The following PXDNL variants were observed in gnomAD, a reference collection of about 807,000 sequenced individuals.
PXDNL encodes peroxidasin like.
A neutral mutation model predicts 150.8 loss-of-function variants in PXDNL; 145 were observed. That is an observed-to-expected ratio of 0.96 (90% CI 0.84 to 1.10). The LOEUF is 1.10. Ranked by LOEUF, PXDNL falls within the 50% of genes least tolerant of loss-of-function variation. PXDNL has a pLI of 0.00. For synonymous variants in PXDNL, 757 were observed against 725.7 expected (o/e 1.04, Z -0.69); for missense variants, 2,087 against 1,873.9 (o/e 1.11, Z -2.10).
chr8:51,432,422 C>T (rs1014693623), intron 12 of PXDNL, among the ~76,000 whole-genome samples: 4 of 152,162 alleles, frequency 2.6e-5, no homozygotes, highest in African/African-American at 9.7e-5. Flanking sequence ...CAGAATCATC[C>T]TTTCAGTTTC....
intron 1 of PXDNL, among the ~76,000 whole-genome samples, chr8:51,692,309 A>G (rs1417260243): frequency 1.3e-5 from 2 of 152,228 alleles, no homozygotes; most frequent in Non-Finnish European, 1.5e-5. Flanking sequence ...GTCCAGAGAA[A>G]GACAACTATT....
At chr8:51,666,033 T>C (rs1815378320) in intron 1 of PXDNL, among the ~76,000 whole-genome samples, 1 of 152,214 alleles carries the variant, frequency 6.6e-6, no homozygotes, top group African/African-American at 2.4e-5. Context: ...TGATAACAAC[T>C]GAAAAAATAT....
intron 12 of PXDNL, among the ~76,000 whole-genome samples, chr8:51,446,100 A>G (rs1223364861): frequency 1.3e-5 from 2 of 152,232 alleles, no homozygotes; most frequent in Non-Finnish European, 2.9e-5. Context: ...AACAGACCAT[A>G]TGTAGACAGT....
intron 1 of PXDNL, among the ~76,000 whole-genome samples, chr8:51,799,613 A>C (rs1421762706): frequency 6.6e-6 from 1 of 152,200 alleles, no homozygotes; most frequent in African/African-American, 2.4e-5. Context: ...TTAAAAATAA[A>C]TTCTCAACAC....
chr8:51,802,305 G>A (rs149324774), intron 1 of PXDNL, among the ~76,000 whole-genome samples: 2 of 152,172 alleles, frequency 1.3e-5, no homozygotes, highest in East Asian at 3.9e-4. Flanking sequence ...TAATCAGAAG[G>A]AGCAGCAAAA....
intron 4 of PXDNL, among the ~76,000 whole-genome samples, chr8:51,514,479 T>C (rs1811493409): frequency 6.6e-6 from 1 of 152,214 alleles, no homozygotes; most frequent in Non-Finnish European, 1.5e-5. Context: ...GACTCAATAC[T>C]ATATTATGAA....
chr8:51,330,185 A>G (rs1020827951), intron 21 of PXDNL, among the ~76,000 whole-genome samples: 7 of 152,192 alleles, frequency 4.6e-5, no homozygotes, highest in Admixed American at 1.3e-4. Context: ...ACCCTCACAG[A>G]AACATGAAAA....
intron 2 of PXDNL, among the ~76,000 whole-genome samples, chr8:51,636,325 G>A (rs943549489): frequency 2.0e-5 from 3 of 152,042 alleles, no homozygotes. Flanking sequence ...ACTATTTAAC[G>A]CTATATTGGA....
chr8:51,391,486 T>C (rs540319345), intron 17 of PXDNL, among the ~76,000 whole-genome samples: 2 of 152,262 alleles, frequency 1.3e-5, no homozygotes, highest in African/African-American at 4.8e-5. Flanking sequence ...ATTTCTCTGA[T>C]GGCAAGTGAT....
intron 1 of PXDNL, among the ~76,000 whole-genome samples, chr8:51,693,528 C>T (rs1030145672): frequency 6.6e-6 from 1 of 152,174 alleles, no homozygotes; most frequent in Non-Finnish European, 1.5e-5. Flanking sequence ...AATCCCAACA[C>T]TCTGGGAGGC....
At chr8:51,580,156 T>G (rs59795108) in intron 3 of PXDNL, among the ~76,000 whole-genome samples, 7,822 of 152,034 alleles carry the variant, frequency 0.051, 473 homozygotes, top group African/African-American at 0.15. Context: ...TTGAAGAAGG[T>G]GTGGGCAGAG....
chr8:51,808,189 A>C (rs189865427), intron 1 of PXDNL, among the ~76,000 whole-genome samples: 1 of 152,344 alleles, frequency 6.6e-6, no homozygotes, highest in Non-Finnish European at 1.5e-5. Context: ...TCAAAATTCC[A>C]GGAATTTTAA....
chr8:51,744,070 G>GAAA lies in PXDNL; in HGVS notation c.164+65110_164+65111insTTT, dbSNP rs1360647608. On this transcript the variant is annotated intron_variant, in intron 1 of 22. Transcript: ENST00000356297. ...GGAAGGAAGGAAGGAAGGAAGGAAG[G>GAAA]AAGGAAGGAAGGAAGGAAGGAAGGA... is the stretch of plus-strand genomic sequence containing the variant. Among the ~76,000 whole-genome samples the GAAA allele has an allele frequency of 1.4e-4, 9 of 63,828 alleles. 1 individual carries two copies. Among genetic ancestry groups the GAAA allele is most frequent in the South Asian group, 6.4e-4 (1 of 1,560 alleles). 41.9% of individuals were successfully genotyped at this position (63,828 alleles called of 152,430 possible).
chr8:51,682,749 CGAGA>C (rs368984175), intron 1 of PXDNL, among the ~76,000 whole-genome samples: 1 of 151,916 alleles, frequency 6.6e-6, no homozygotes. Context: ...TATGACCATA[CGAGA>C]GAGAGAGAAA....
intron 9 of PXDNL, 149 bp from the exon 10 acceptor site, chr8:51,453,934 C>A (rs1563419165): frequency 1.2e-5 from 9 of 732,068 alleles, no homozygotes; most frequent in East Asian, 1.1e-4. Flanking sequence ...CATTTAATTC[C>A]CAGAAAATTA....
chr8:51,718,993 G>A (rs1181515559), intron 1 of PXDNL, among the ~76,000 whole-genome samples: 2 of 151,030 alleles, frequency 1.3e-5, no homozygotes, highest in Middle Eastern at 3.2e-3. Flanking sequence ...AGGGAGGCGG[G>A]GGGCAGCCCC....
chr8:51,329,381 C>A (rs1331405057), intron 21 of PXDNL, among the ~76,000 whole-genome samples: 1 of 152,176 alleles, frequency 6.6e-6, no homozygotes, highest in Non-Finnish European at 1.5e-5. Context: ...ACAGGAAACA[C>A]TAAACACAGC....
At chr8:51,498,174 C>T (rs1405009685) in intron 5 of PXDNL, among the ~76,000 whole-genome samples, 2 of 151,306 alleles carry the variant, frequency 1.3e-5, no homozygotes, top group African/African-American at 2.4e-5. Flanking sequence ...AGCAAACTAT[C>T]GCAAGGACAG....
At chr8:51,359,678 T>C (rs987614214) in intron 19 of PXDNL, among the ~76,000 whole-genome samples, 1 of 152,170 alleles carries the variant, frequency 6.6e-6, no homozygotes, top group African/African-American at 2.4e-5. Context: ...TTCCCTAAGT[T>C]TGACACTGGA....
Sources: gnomAD v4.1 joint callset for allele counts (sites outside exome capture counted in the v4.1 genomes callset) on GRCh38, gnomAD v4.1.1 for gene constraint, MANE v1.5 for transcripts, NCBI Gene and HGNC (gene_info 2026-07-23, HGNC 2026-07-21) for gene names.